MAP3K20: variants seen among roughly 807,000 people sequenced by gnomAD.
The protein encoded by MAP3K20 is mitogen-activated protein kinase kinase kinase 20, also known as HCCS-4.
Under a neutral mutation model 85.7 loss-of-function variants are expected in MAP3K20, and 40 were observed. That is an observed-to-expected ratio of 0.47 (90% CI 0.36 to 0.61). MAP3K20 has a LOEUF of 0.61. MAP3K20 is among the 20% of genes least tolerant of loss of function. The pLI, the probability that MAP3K20 is intolerant of heterozygous loss-of-function variation, is 0.00. For synonymous variants in MAP3K20, 325 were observed against 327.7 expected, an observed-to-expected ratio of 0.99 and a Z score of 0.09; for missense variants, 817 against 961.7, an observed-to-expected ratio of 0.85 and a Z score of 1.99.
At chr2:173,190,472 GTGAA>G (rs991110169) in intron 5 of MAP3K20, among the ~76,000 whole-genome samples, 3 of 152,204 alleles carry the variant, frequency 2.0e-5, no homozygotes, top group Admixed American at 6.5e-5. Context: ...GTATGAACAA[GTGAA>G]TGAATGAATA....
chr2:173,255,957 A>G (rs1685147634), intron 16 of MAP3K20, among the ~76,000 whole-genome samples: 1 of 152,234 alleles, frequency 6.6e-6, no homozygotes, highest in Non-Finnish European at 1.5e-5. Flanking sequence ...CAAAACAAAG[A>G]AATACTGAGA....
At chr2:173,106,862 G>C (rs535505742) in intron 2 of MAP3K20, among the ~76,000 whole-genome samples, 1 of 152,170 alleles carries the variant, frequency 6.6e-6, no homozygotes, top group African/African-American at 2.4e-5. Context: ...CAAGTAGGGG[G>C]CCTGGATTTT....
intron 2 of MAP3K20, chr2:173,166,900 C>A (rs1689840240): frequency 7.0e-6 from 1 of 143,328 alleles, no homozygotes; most frequent in African/African-American, 2.6e-5. Flanking sequence ...TTTATTGCAA[C>A]AGTTTTTCTG....
At chr2:173,262,704 C>A (rs971896976) in intron 18 of MAP3K20, among the ~76,000 whole-genome samples, 1 of 152,180 alleles carries the variant, frequency 6.6e-6, no homozygotes, top group Non-Finnish European at 1.5e-5. Flanking sequence ...TCCTCACCTG[C>A]TGGGGTGCAC....
chr2:173,237,293 C>T (rs539782775), intron 14 of MAP3K20, among the ~76,000 whole-genome samples: 2 of 152,138 alleles, frequency 1.3e-5, no homozygotes, highest in South Asian at 4.1e-4. Context: ...TCCCAAAGTG[C>T]TGAGATTACA....
At chr2:173,180,103 T>C (rs2106262343) in intron 3 of MAP3K20, among the ~76,000 whole-genome samples, 1 of 152,240 alleles carries the variant, frequency 6.6e-6, no homozygotes, top group Non-Finnish European at 1.5e-5. Context: ...TTTTTAGAAA[T>C]TAACAAGCCA....
chr2:173,184,540 G>C (rs1453889666), intron 4 of MAP3K20, among the ~76,000 whole-genome samples: 1 of 152,180 alleles, frequency 6.6e-6, no homozygotes, highest in Non-Finnish European at 1.5e-5. Flanking sequence ...CACATCAGCT[G>C]AGTCATTCTT....
chr2:173,174,790 A>C (rs1428516302), intron 3 of MAP3K20, among the ~76,000 whole-genome samples: 2 of 152,232 alleles, frequency 1.3e-5, no homozygotes, highest in Non-Finnish European at 2.9e-5. Flanking sequence ...TTTTAAAGTT[A>C]ACATGGTTTT....
chr2:173,209,234 A>T (rs949245476), intron 9 of MAP3K20, among the ~76,000 whole-genome samples: 1 of 152,172 alleles, frequency 6.6e-6, no homozygotes, highest in African/African-American at 2.4e-5. Context: ...AATTTGGAAA[A>T]TTTTATTAGT....
chr2:173,134,428 AT>A (rs1274644433), intron 2 of MAP3K20, among the ~76,000 whole-genome samples: 2 of 3,156 alleles, frequency 6.3e-4, no homozygotes, highest in Non-Finnish European at 1.3e-3. Flanking sequence ...ATATATATAT[AT>A]TTTTTTTTTT....
At chr2:173,130,288 C>T (rs765347748) in intron 2 of MAP3K20, among the ~76,000 whole-genome samples, 2 of 151,888 alleles carry the variant, frequency 1.3e-5, no homozygotes, top group African/African-American at 4.8e-5. Flanking sequence ...TTGTCTAGAC[C>T]CATATTTACT....
chr2:173,248,158 C>A (rs1684963695), intron 16 of MAP3K20, among the ~76,000 whole-genome samples: 1 of 152,046 alleles, frequency 6.6e-6, no homozygotes, highest in African/African-American at 2.4e-5. Flanking sequence ...GGGTCATTTT[C>A]TTGGTTTTGT....
intron 2 of MAP3K20, among the ~76,000 whole-genome samples, chr2:173,105,098 G>A (rs898956425): frequency 5.9e-5 from 9 of 152,204 alleles, no homozygotes; most frequent in Admixed American, 4.6e-4. Flanking sequence ...GCAGTTGAAT[G>A]CTTTTGAATA....
chr2:173,223,113 A>T (rs1684295606), intron 11 of MAP3K20: 1 of 985,292 alleles, frequency 1.0e-6, no homozygotes, highest in Non-Finnish European at 1.2e-6. Flanking sequence ...GCCCCTTGAG[A>T]GGTGAAAAAT....
Position 173,173,180 on chromosome 2 carries a change from GTGTGTGTGTGTGTGTGTC to G in MAP3K20, c.247+3294_247+3311del, listed in dbSNP as rs1001688941. On this transcript the variant is annotated intron_variant, in intron 3 of 19. Transcript: ENST00000375213. The stretch of plus-strand genomic sequence containing the variant: ...TGTGTGTGTGTGTGTGTGTGTGTGT[GTGTGTGTGTGTGTGTGTC>G]TGTGTAAAACATAAATATGTGAGGG... 1.0e-4 allele frequency among the ~76,000 whole-genome samples: 14 copies of G among 140,528 alleles called. No individual in the cohort carries two copies. In the South Asian group the frequency reaches 1.3e-3, roughly 13 times the overall value. 92.2% of individuals were successfully genotyped at this position (140,528 alleles called of 152,430 possible).
At chr2:173,197,984 A>G in intron 7 of MAP3K20, 42 bp from the exon 8 acceptor site, 1 of 1,577,426 alleles carries the variant, frequency 6.3e-7, no homozygotes, top group Non-Finnish European at 8.7e-7. Context: ...ACCAAAAAAT[A>G]TAAAGTACAA....
chr2:173,229,201 C>T (rs1255454361), intron 11 of MAP3K20, among the ~76,000 whole-genome samples: 2 of 152,196 alleles, frequency 1.3e-5, no homozygotes, highest in Non-Finnish European at 2.9e-5. Flanking sequence ...CTTCTTCATC[C>T]GTGAGTGCTA....
intron 7 of MAP3K20, among the ~76,000 whole-genome samples, chr2:173,193,936 C>T (rs377716016): frequency 6.6e-6 from 1 of 152,270 alleles, no homozygotes; most frequent in East Asian, 1.9e-4. Context: ...CAAACTCGAC[C>T]ACCAGCCACT....
chr2:173,103,814 G>T (rs907535699), intron 2 of MAP3K20, among the ~76,000 whole-genome samples: 1 of 152,182 alleles, frequency 6.6e-6, no homozygotes, highest in East Asian at 1.9e-4. Context: ...TACCTGATTT[G>T]TTTCCTGAGC....
Sources: gnomAD v4.1 joint callset for allele counts (sites outside exome capture counted in the v4.1 genomes callset) on GRCh38, gnomAD v4.1.1 for gene constraint, MANE v1.5 for transcripts, NCBI Gene and HGNC (gene_info 2026-07-23, HGNC 2026-07-21) for gene names.